Variants in DHRS12 observed in about 807,000 individuals in gnomAD.
The protein encoded by DHRS12 is dehydrogenase/reductase 12.
A neutral mutation model predicts 32.1 loss-of-function variants in DHRS12; 29 were observed. The observed-to-expected ratio is 0.90, with a 90% CI of 0.67 to 1.23. The LOEUF (loss-of-function observed/expected upper bound fraction) is 1.23. Among genes scored for constraint, DHRS12 ranks in the 50% most tolerant of loss-of-function variants. The probability of loss-of-function intolerance (pLI) is 0.00; values close to 1 mark genes in which losing one functional copy is unlikely to be tolerated. For missense variants in DHRS12, 330 were observed against 337.2 expected (o/e 0.98, Z 0.17); for synonymous variants, 150 against 135.9 (o/e 1.10, Z -0.72).
chr13:51,767,296 T>C (rs1482411707), downstream of DHRS12: 2 of 152,246 alleles, frequency 1.3e-5, no homozygotes, highest in African/African-American at 4.8e-5. Context: ...AAAGGAGGCA[T>C]GCAGTTAAAT....
At chr13:51,804,026 G>GGCCCCGC (rs1955882035) in intron 1 of DHRS12, 28 bp downstream of exon 1, 3 of 1,462,786 alleles carry the variant, frequency 2.1e-6, no homozygotes, top group Middle Eastern at 4.3e-4. Flanking sequence ...GACAGCCCGG[G>GGCCCCGC]GCCCCGCGCC....
chr13:51,769,452 C>A (rs1473428501), intron 7 of DHRS12, among the ~76,000 whole-genome samples, 159 bp from the exon 8 acceptor site: 1 of 152,090 alleles, frequency 6.6e-6, no homozygotes, highest in Non-Finnish European at 1.5e-5. Context: ...GGAACCAGTT[C>A]CAAAGAACCT....
the DHRS12 span, chr13:51,755,373 G>A: frequency 1.2e-6 from 2 of 1,614,186 alleles, no homozygotes; most frequent in Non-Finnish European, 1.7e-6. Flanking sequence ...TGAATGGTTG[G>A]ACAGTGATTC....
chr13:51,765,270 TTC>T (rs1477810538), downstream of DHRS12: 9 of 152,350 alleles, frequency 5.9e-5, no homozygotes, highest in East Asian at 1.7e-3. Context: ...TCAGCTCAGT[TTC>T]TTAACCAAGA....
At chr13:51,765,682 A>C (rs796335603), downstream of DHRS12, 1 of 152,342 alleles carries the variant, frequency 6.6e-6, no homozygotes, top group African/African-American at 2.4e-5. Flanking sequence ...GTTGTCTTCC[A>C]TCATATCAAG....
At chr13:51,796,529 C>G (rs1955518895) in intron 2 of DHRS12, among the ~76,000 whole-genome samples, 1 of 152,224 alleles carries the variant, frequency 6.6e-6, no homozygotes, top group African/African-American at 2.4e-5. Context: ...TTTCAGCTCT[C>G]TACCCCTCCT....
At chr13:51,761,539 C>G in the DHRS12 span, 3 of 152,166 alleles carry the variant, frequency 2.0e-5, no homozygotes, top group Non-Finnish European at 4.4e-5. Flanking sequence ...GTGTCTTGCT[C>G]TCTTCTGATT....
chr13:51,767,888 C>CGT, downstream of DHRS12: 1 of 747,548 alleles, frequency 1.3e-6, no homozygotes, highest in Non-Finnish European at 1.7e-6. Flanking sequence ...CCCACCCCTG[C>CGT]GTCCCCTAAG....
At chr13:51,803,859 G>T (rs1046194296) in intron 1 of DHRS12, 195 bp downstream of exon 1, 1 of 422,858 alleles carries the variant, frequency 2.4e-6, no homozygotes, top group Non-Finnish European at 3.9e-6. Flanking sequence ...GGCATTGAGC[G>T]GCTGGAGTCT....
chr13:51,774,121 T>G, intron 5 of DHRS12, 87 bp from the exon 6 acceptor site: 1 of 1,262,870 alleles, frequency 7.9e-7, no homozygotes, highest in Non-Finnish European at 1.1e-6. Context: ...TTCTTGCTGT[T>G]GTGACCAATG....
At chr13:51,772,958 G>T (rs1954101389) in intron 6 of DHRS12, 1 of 985,440 alleles carries the variant, frequency 1.0e-6, no homozygotes, top group Non-Finnish European at 1.2e-6. Flanking sequence ...TCTCAGACAG[G>T]GCCACCTTCG....
intron 2 of DHRS12, among the ~76,000 whole-genome samples, chr13:51,791,678 CAAT>C (rs1955279311): frequency 6.6e-6 from 1 of 152,162 alleles, no homozygotes; most frequent in Non-Finnish European, 1.5e-5. Context: ...TGACTAGGTA[CAAT>C]GTTGTACAGT....
chr13:51,800,260 G>A (rs1217089350), intron 1 of DHRS12, among the ~76,000 whole-genome samples: 1 of 152,264 alleles, frequency 6.6e-6, no homozygotes. Flanking sequence ...TTATGATAAT[G>A]TTCTGGCAGG....
the DHRS12 span, among the ~76,000 whole-genome samples, chr13:51,757,054 A>G: frequency 6.6e-6 from 1 of 152,330 alleles, no homozygotes; most frequent in Admixed American, 6.5e-5. Flanking sequence ...AGATGTAAAC[A>G]CAGTGCTCTG....
chr13:51,769,500 G>A (rs1222099704), intron 7 of DHRS12, among the ~76,000 whole-genome samples: 1 of 152,148 alleles, frequency 6.6e-6, no homozygotes, highest in African/African-American at 2.4e-5. Context: ...GATGGAAAGT[G>A]GTGCTCACCA....
At chr13:51,802,212 CACACA>C (rs1395177269) in intron 1 of DHRS12, among the ~76,000 whole-genome samples, 1 of 98,934 alleles carries the variant, frequency 1.0e-5, no homozygotes, top group East Asian at 4.6e-4. Context: ...CACACACACA[CACACA>C]CGACTTTCCC....
chr13:51,755,985 T>A, the DHRS12 span, among the ~76,000 whole-genome samples: 1 of 152,042 alleles, frequency 6.6e-6, no homozygotes, highest in South Asian at 2.1e-4. Context: ...TCCAGCAGCA[T>A]AATCTCCTGA....
At chr13:51,761,429 CTCAT>C in the DHRS12 span, 2 of 152,240 alleles carry the variant, frequency 1.3e-5, no homozygotes, top group Non-Finnish European at 2.9e-5. Context: ...ACACGCACAG[CTCAT>C]TCAACCTCAC....
chr13:51,790,926 T>A lies in DHRS12; in HGVS notation c.219+239A>T, dbSNP rs544390027. 2.0e-5 allele frequency among the ~76,000 whole-genome samples: 3 copies of A among 152,206 alleles called. No homozygotes were observed. The East Asian group carries it at 5.8e-4, about 29-fold the overall frequency. On this transcript the variant is annotated intron_variant, in intron 3 of 8. Coordinates refer to ENST00000444610, the MANE Select transcript of DHRS12 (RefSeq NM_001377533.1). The stretch of plus-strand genomic sequence containing the variant: ...ATCATTTTATAAAACATGGAACATA[T>A]CTATCCTCCCACAACACCTACCCAG...
Sources: allele counts gnomAD v4.1 joint callset (sites outside exome capture counted in the v4.1 genomes callset), GRCh38; gene constraint gnomAD v4.1.1; transcripts MANE v1.5; gene names NCBI Gene and HGNC (gene_info 2026-07-23, HGNC 2026-07-21).